The following LRP2 variants were observed in gnomAD, a reference collection of about 807,000 sequenced individuals.
LRP2 encodes low-density lipoprotein receptor-related protein 2.
In LRP2, 172 loss-of-function variants were observed where a neutral mutation model predicts 531.0. The ratio of observed to expected loss-of-function variants is 0.32; its 90% CI spans 0.29 to 0.37. The LOEUF (loss-of-function observed/expected upper bound fraction) is 0.37, where lower values mean the gene tolerates loss of function less well. Among genes scored for constraint, LRP2 ranks in the 10% least tolerant of loss-of-function variants. The pLI is 1.00. For missense variants in LRP2, 5,167 were observed against 5,868.3 expected (o/e 0.88, Z 3.90); for synonymous variants, 1,992 against 2,027.6 (o/e 0.98, Z 0.47).
At chr2:169,143,157 C>A (rs1388669272) in intron 70 of LRP2, among the ~76,000 whole-genome samples, 3 of 152,194 alleles carry the variant, frequency 2.0e-5, no homozygotes, top group Admixed American at 6.5e-5. Flanking sequence ...GTGAGATCCA[C>A]ATATTATACC....
At chr2:169,189,288 G>A (rs1476120878) in intron 48 of LRP2, among the ~76,000 whole-genome samples, 1 of 152,160 alleles carries the variant, frequency 6.6e-6, no homozygotes, top group Non-Finnish European at 1.5e-5. Context: ...CTATAACCAG[G>A]CCTGCTAACC....
At chr2:169,217,123 A>G (rs948173391) in intron 34 of LRP2, among the ~76,000 whole-genome samples, 10 of 152,164 alleles carry the variant, frequency 6.6e-5, no homozygotes, top group Non-Finnish European at 1.2e-4. Flanking sequence ...AAAATATATT[A>G]AGGGCTGTTT....
intron 68 of LRP2, among the ~76,000 whole-genome samples, chr2:169,149,443 G>A (rs1035024447): frequency 6.6e-6 from 1 of 152,156 alleles, no homozygotes; most frequent in Non-Finnish European, 1.5e-5. Context: ...GGGTCTGCAG[G>A]CCTTAGGCAG....
At chr2:169,327,269 G>GT (rs1169152548) in intron 1 of LRP2, among the ~76,000 whole-genome samples, 1 of 111,842 alleles carries the variant, frequency 8.9e-6, no homozygotes, top group Non-Finnish European at 2.0e-5. Flanking sequence ...GAGGTGGGGG[G>GT]GTCAGCCCCC....
chr2:169,193,622 G>C (rs960376409), intron 47 of LRP2, 139 bp downstream of exon 47: 8 of 1,065,916 alleles, frequency 7.5e-6, no homozygotes, highest in Non-Finnish European at 1.1e-5. Flanking sequence ...TCCCAGCATG[G>C]AGAAACAAAG....
At chr2:169,256,994 A>G in intron 18 of LRP2, 130 bp downstream of exon 18, 1 of 1,019,478 alleles carries the variant, frequency 9.8e-7, no homozygotes, top group Non-Finnish European at 1.5e-6. Context: ...CCCATCACCA[A>G]TTAATTATTT....
At chr2:169,275,289 T>G (rs1367527698) in intron 13 of LRP2, 51 bp from the exon 14 acceptor site, 5 of 1,451,060 alleles carry the variant, frequency 3.4e-6, no homozygotes, top group Non-Finnish European at 3.8e-6. Context: ...TTTGCTTTAT[T>G]ATAATTAAAG....
chr2:169,238,101 T>C lies in LRP2; in HGVS notation c.4496A>G (p.Asp1499Gly), dbSNP rs748769984. Reference sequence around the variant, plus strand: ...CAGAAATGTACTTACCACTCTTCTGTCCGTTCCATTTTGAAACGCACTCCA... The same window carrying C: ...CAGAAATGTACTTACCACTCTTCTGCCCGTTCCATTTTGAAACGCACTCCA... ...KTWSAFQNGT[D>G]RRVVFDSSII... Residue 1499 changes from aspartate to glycine, a missense_variant, in exon 27 of 79, where the codon GAC (aspartate) becomes GGC (glycine). Transcript: ENST00000649046. 30 of 1,613,868 alleles carry C rather than the reference T, an allele frequency of 1.9e-5. No homozygotes were observed. The African/African-American group carries it at 3.3e-4, about 18-fold the overall frequency.
intron 16 of LRP2, among the ~76,000 whole-genome samples, chr2:169,269,929 T>TCAAAAAGTGGGTGAAGGATATGAA (rs1683353768): frequency 6.6e-6 from 1 of 151,858 alleles, no homozygotes; most frequent in Non-Finnish European, 1.5e-5. Flanking sequence ...AACAACCCCA[T>TCAAAAAGTGGGTGAAGGATATGAA]CAAAAAGTGG....
chr2:169,238,333 T>C, intron 26 of LRP2, 31 bp from the exon 27 acceptor site: 3 of 1,424,324 alleles, frequency 2.1e-6, no homozygotes, highest in South Asian at 2.3e-5. Flanking sequence ...AAAATGTCAA[T>C]GATACTGGGA....
At chr2:169,258,610 T>A (rs939589043) in intron 17 of LRP2, among the ~76,000 whole-genome samples, 1 of 152,110 alleles carries the variant, frequency 6.6e-6, no homozygotes, top group Non-Finnish European at 1.5e-5. Flanking sequence ...TCTGAAAAAC[T>A]TTTTATTCTG....
intron 1 of LRP2, among the ~76,000 whole-genome samples, chr2:169,335,286 G>A (rs1180912938): frequency 6.6e-6 from 1 of 152,120 alleles, no homozygotes; most frequent in African/African-American, 2.4e-5. Context: ...AGTTTTACAT[G>A]AAATACTGTA....
chr2:169,345,234 G>T (rs1283893134), intron 1 of LRP2, among the ~76,000 whole-genome samples: 1 of 152,024 alleles, frequency 6.6e-6, no homozygotes, highest in Non-Finnish European at 1.5e-5. Flanking sequence ...TTTTCTTTAC[G>T]GATTCCAATC....
At chr2:169,227,792 A>C (rs1263705684) in intron 31 of LRP2, among the ~76,000 whole-genome samples, 2 of 152,184 alleles carry the variant, frequency 1.3e-5, no homozygotes, top group African/African-American at 2.4e-5. Flanking sequence ...AATTTAGTCT[A>C]ATGTAAATTT....
At chr2:169,259,866 G>T (rs187609357) in intron 16 of LRP2, among the ~76,000 whole-genome samples, 1 of 151,876 alleles carries the variant, frequency 6.6e-6, no homozygotes, top group East Asian at 1.9e-4. Context: ...TTCTTTTGCA[G>T]TAGGAAGAAA....
chr2:169,261,774 A>G (rs1050494860), intron 16 of LRP2, among the ~76,000 whole-genome samples: 9 of 152,086 alleles, frequency 5.9e-5, no homozygotes, highest in South Asian at 2.1e-4. Flanking sequence ...TACCAAAGCC[A>G]GGCAGAGACA....
intron 1 of LRP2, among the ~76,000 whole-genome samples, chr2:169,326,609 C>T (rs1453660946): frequency 2.0e-5 from 3 of 152,164 alleles, no homozygotes; most frequent in South Asian, 4.1e-4. Context: ...CCCAAAGTGC[C>T]GAGATTGCAG....
At chr2:169,240,635 A>T in intron 25 of LRP2, 2 of 452,666 alleles carry the variant, frequency 4.4e-6, no homozygotes, top group African/African-American at 1.9e-5. Flanking sequence ...TTTTTTTGTG[A>T]TAAGTTCTGA....
chr2:169,295,375 A>G (rs1684109579), intron 4 of LRP2, among the ~76,000 whole-genome samples: 1 of 152,238 alleles, frequency 6.6e-6, no homozygotes, highest in Non-Finnish European at 1.5e-5. Flanking sequence ...ATGTGCTTTC[A>G]AAGCACAAAT....
Sources: gnomAD v4.1 joint callset for allele counts (sites outside exome capture counted in the v4.1 genomes callset) on GRCh38, gnomAD v4.1.1 for gene constraint, MANE v1.5 for transcripts, NCBI Gene and HGNC (gene_info 2026-07-23, HGNC 2026-07-21) for gene names.